The following FAM220A variants were observed in gnomAD, a reference collection of about 807,000 sequenced individuals.
The protein encoded by FAM220A is protein FAM220A.
For synonymous variants in FAM220A, 141 were observed against 130.7 expected (o/e 1.08, Z -0.54); for missense variants, 392 against 321.6 (o/e 1.22, Z -1.68).
chr7:6,348,526 CGGG>C, intron 1 of FAM220A, 44 bp downstream of exon 1: 1 of 413,234 alleles, frequency 2.4e-6, no homozygotes, highest in Non-Finnish European at 4.3e-6. Flanking sequence ...GCGGGCGAGG[CGGG>C]CGCTCGGGGA....
In FAM220A at chr7:6,330,443, G is replaced by C. The variant is rs780086355; in HGVS notation, c.712C>G (p.Leu238Val). ...KKMLKSTSDG[L>V]QITLGLLALQ... ...GCCAGTAACCCCAGTGTTATCTGCA[G>C]ACCATCTGAGGTGCTTTTAAGCATT... The change falls in exon 2 of 2, where the codon CTG (leucine) becomes GTG (valine). Residue 238 changes from leucine to valine, a missense_variant. Coordinates refer to ENST00000313324, the MANE Select transcript of FAM220A (RefSeq NM_001037163.2). The C allele has an allele frequency of 6.2e-7, 1 of 1,614,042 alleles. No individual in the cohort carries two copies. Among genetic ancestry groups the C allele is most frequent in the African/African-American group, 1.3e-5 (1 of 74,930 alleles).
At chr7:6,335,684 G>A (rs1448091190) in intron 1 of FAM220A, among the ~76,000 whole-genome samples, 1 of 152,112 alleles carries the variant, frequency 6.6e-6, no homozygotes, top group Non-Finnish European at 1.5e-5. Context: ...TGTGGGACAT[G>A]CTGAAAAGTT....
At chr7:6,332,518 A>AT (rs1781657623) in intron 1 of FAM220A, among the ~76,000 whole-genome samples, 1 of 152,118 alleles carries the variant, frequency 6.6e-6, no homozygotes, top group Non-Finnish European at 1.5e-5. Flanking sequence ...TGTTCACTTA[A>AT]AAAACACCAC....
rs931666863 is a variant in FAM220A, at chr7:6,348,912, C to A, written c.-421G>T. On this transcript the variant is annotated 5_prime_UTR_variant, in exon 1 of 2. Transcript: ENST00000313324. ...GCAGTGGAGCGGAGTCCGCACGTCA[C>A]GCTCGGAGAAGTGCCTCCGCGAGCA... The A allele has an allele frequency of 1.0e-5, 4 of 385,390 alleles. No homozygotes were observed. Among genetic ancestry groups the A allele is most frequent in the East Asian group, 7.4e-5 (2 of 26,874 alleles). The allele number at this position is 385,390 out of a possible 1,614,324, so 23.9% of individuals were successfully genotyped here. A position where few individuals can be genotyped will look rare whatever the true frequency, so the allele number is the denominator to read the frequency against.
intron 1 of FAM220A, among the ~76,000 whole-genome samples, chr7:6,333,583 G>C (rs374891925): frequency 6.6e-6 from 1 of 151,676 alleles, no homozygotes; most frequent in South Asian, 2.1e-4. Flanking sequence ...ACTGCAGCCT[G>C]TAACTTCTGG....
chr7:6,346,847 A>G (rs760149366), intron 1 of FAM220A, among the ~76,000 whole-genome samples: 7 of 152,170 alleles, frequency 4.6e-5, no homozygotes, highest in Admixed American at 2.0e-4. Context: ...TGGTGGTTCT[A>G]CTGCTCAGAC....
intron 1 of FAM220A, among the ~76,000 whole-genome samples, chr7:6,335,513 C>T (rs1781727596): frequency 6.8e-6 from 1 of 148,116 alleles, no homozygotes; most frequent in Non-Finnish European, 1.5e-5. Flanking sequence ...CAGGTGTGAG[C>T]CTCCGTGCCC....
intron 1 of FAM220A, among the ~76,000 whole-genome samples, chr7:6,334,244 G>T (rs565939397): frequency 1.6e-3 from 236 of 151,078 alleles, no homozygotes; most frequent in African/African-American, 5.4e-3. Flanking sequence ...TTTTTTTAAA[G>T]TTGTTGACTG....
In FAM220A at chr7:6,330,339, T is replaced by C. The variant is rs1368924362; in HGVS notation, c.*36A>G. 6.4e-7 allele frequency: 1 copy of C among 1,561,396 alleles called. No individual in the cohort carries two copies. The highest frequency in any genetic ancestry group is 1.9e-5 in the Admixed American group (1 of 52,698). On this transcript the variant is annotated 3_prime_UTR_variant, in exon 2 of 2. Transcript: ENST00000313324. ...GAAAGAAATCATTCTAAGACAACTCTTAAAATTAATCTATTGGTATTGTTC... is the reference window on the plus strand; with the variant it reads ...GAAAGAAATCATTCTAAGACAACTCCTAAAATTAATCTATTGGTATTGTTC...
At chr7:6,345,363 C>G (rs539246044) in intron 1 of FAM220A, among the ~76,000 whole-genome samples, 1 of 152,098 alleles carries the variant, frequency 6.6e-6, no homozygotes, top group African/African-American at 2.4e-5. Flanking sequence ...GATCCTCCCA[C>G]CTCAGTCTCC....
intron 1 of FAM220A, among the ~76,000 whole-genome samples, chr7:6,332,962 A>C (rs756793014): frequency 6.6e-6 from 1 of 152,036 alleles, no homozygotes; most frequent in Non-Finnish European, 1.5e-5. Flanking sequence ...AGTTCGAGAC[A>C]AGCATGGTCA....
chr7:6,334,666 G>A (rs182376071), intron 1 of FAM220A, among the ~76,000 whole-genome samples: 49 of 151,992 alleles, frequency 3.2e-4, no homozygotes, highest in African/African-American at 5.5e-4. Context: ...GGGGTTCCAC[G>A]AGTTGCCCAG....
Position 6,348,703 on chromosome 7 carries a change from C to A in FAM220A, c.-212G>T. ...CCCCTTGCAGAAGACCCCATAGGAG[C>A]GGGCGGCGGCCGAGCGCGAGAGCCG... On this transcript the variant is annotated 5_prime_UTR_variant, in exon 1 of 2. Coordinates refer to ENST00000313324, the MANE Select transcript of FAM220A (RefSeq NM_001037163.2). The A allele has an allele frequency of 2.3e-6, 1 of 431,650 alleles. No individual in the cohort carries two copies. The highest frequency in any genetic ancestry group is 4.1e-6 in the Non-Finnish European group (1 of 244,372). 26.7% of individuals were successfully genotyped at this position (431,650 alleles called of 1,614,324 possible). A position where few individuals can be genotyped will look rare whatever the true frequency, so the allele number is the denominator to read the frequency against.
chr7:6,337,122 A>G (rs1781763728), intron 1 of FAM220A, among the ~76,000 whole-genome samples: 2 of 149,854 alleles, frequency 1.3e-5, no homozygotes, highest in African/African-American at 4.9e-5. Flanking sequence ...CCCAGGCTGG[A>G]GTGCAGTGGC....
At chr7:6,334,145 CG>C (rs748088641) in intron 1 of FAM220A, among the ~76,000 whole-genome samples, 1 of 151,726 alleles carries the variant, frequency 6.6e-6, no homozygotes, top group Non-Finnish European at 1.5e-5. Flanking sequence ...CGCACCCAGC[CG>C]AACTCCTGGT....
intron 1 of FAM220A, among the ~76,000 whole-genome samples, chr7:6,338,133 C>G (rs73339279): frequency 1.2e-3 from 176 of 152,256 alleles, no homozygotes; most frequent in African/African-American, 4.2e-3. Context: ...TTATCAAAAA[C>G]ATTTTGGCTC....
intron 1 of FAM220A, among the ~76,000 whole-genome samples, chr7:6,339,544 A>C (rs1016706378): frequency 6.9e-6 from 1 of 145,598 alleles, no homozygotes; most frequent in Non-Finnish European, 1.5e-5. Context: ...AGTGCAGTGG[A>C]GCAATCTCAG....
chr7:6,343,669 G>C (rs545655202), intron 1 of FAM220A, among the ~76,000 whole-genome samples: 33 of 151,812 alleles, frequency 2.2e-4, no homozygotes, highest in Non-Finnish European at 4.1e-4. Flanking sequence ...CTTGCAAATA[G>C]TATTTTAAAA....
Position 6,333,119 on chromosome 7 carries a change from T to C in FAM220A, c.-81-1884A>G, listed in dbSNP as rs1287459356. ...TTGCAGTGAGCCGAGATCCCACCAC[T>C]GCACTCCAGCCTGGCGACAGAGCAA... is the stretch of plus-strand genomic sequence containing the variant. On this transcript the variant is annotated intron_variant, in intron 1 of 1. Transcript: ENST00000313324. Among the ~76,000 whole-genome samples, 3 of 148,508 alleles carry C rather than the reference T, an allele frequency of 2.0e-5. No individual in the cohort carries two copies. The East Asian group carries it at 5.9e-4, about 29-fold the overall frequency.
Sources: gnomAD v4.1 joint callset for allele counts (sites outside exome capture counted in the v4.1 genomes callset) on GRCh38, gnomAD v4.1.1 for gene constraint, MANE v1.5 for transcripts, NCBI Gene and HGNC (gene_info 2026-07-23, HGNC 2026-07-21) for gene names.